NBPF8: variants seen among roughly 807,000 people sequenced by gnomAD.
The protein encoded by NBPF8 is NBPF family member NBPF8.
intron 11 of NBPF8, among the ~76,000 whole-genome samples, chr1:120,450,350 G>A (rs758677674): frequency 2.0e-5 from 3 of 151,946 alleles, no homozygotes; most frequent in Admixed American, 1.3e-4. Context: ...GATCCCACCC[G>A]AGAATGTGTG....
intron 17 of NBPF8, among the ~76,000 whole-genome samples, chr1:120,460,067 T>G (rs1319605079): frequency 2.0e-5 from 3 of 152,176 alleles, no homozygotes; most frequent in Non-Finnish European, 4.4e-5. Context: ...GTTCCTGGTA[T>G]GTTTTCTAGA....
chr1:120,454,589 A>G (rs1317740998), intron 15 of NBPF8, among the ~76,000 whole-genome samples: 1 of 151,912 alleles, frequency 6.6e-6, no homozygotes, highest in African/African-American at 2.4e-5. Context: ...TGAAATCAGT[A>G]CGGAAACTTT....
chr1:120,449,710 C>A (rs1423818799), intron 11 of NBPF8, among the ~76,000 whole-genome samples: 1 of 152,100 alleles, frequency 6.6e-6, no homozygotes, highest in African/African-American at 2.4e-5. Context: ...ATCCTCTCTA[C>A]CATATAAGAT....
At chr1:120,450,037 G>A (rs1638312823) in intron 11 of NBPF8, among the ~76,000 whole-genome samples, 3 of 152,124 alleles carry the variant, frequency 2.0e-5, no homozygotes, top group Admixed American at 6.5e-5. Context: ...GACCAGCCTG[G>A]GCAACATGGA....
At chr1:120,415,369 G>T (rs1553244968), upstream of NBPF8, among the ~76,000 whole-genome samples, 1 of 151,724 alleles carries the variant, frequency 6.6e-6, no homozygotes, top group Non-Finnish European at 1.5e-5. Context: ...TTTGTTGCGA[G>T]CGACGGAGGG....
chr1:120,429,562 G>A (rs1210366855), intron 3 of NBPF8, among the ~76,000 whole-genome samples: 6 of 152,050 alleles, frequency 3.9e-5, no homozygotes, highest in African/African-American at 1.4e-4. Flanking sequence ...TCCTTGAGAG[G>A]CAGGGACATG....
intron 2 of NBPF8, among the ~76,000 whole-genome samples, chr1:120,427,114 T>A (rs1197225744): frequency 7.7e-6 from 1 of 129,374 alleles, no homozygotes; most frequent in Non-Finnish European, 1.6e-5. Flanking sequence ...GTCAAAAGTT[T>A]GTTCCTTTAG....
upstream of NBPF8, among the ~76,000 whole-genome samples, chr1:120,416,899 C>T (rs1335790636): frequency 1.4e-5 from 2 of 141,596 alleles, no homozygotes; most frequent in African/African-American, 2.7e-5. Context: ...AGTGTGATTT[C>T]ATTTTGCATT....
At chr1:120,452,031 C>A in intron 12 of NBPF8, 86 bp from the exon 11 acceptor site, 2 of 1,397,398 alleles carry the variant, frequency 1.4e-6, no homozygotes, top group South Asian at 2.3e-5. Flanking sequence ...TCCTTGAGGA[C>A]ATTGTCTCAG....
chr1:120,460,082 T>A (rs1162547111), intron 17 of NBPF8, among the ~76,000 whole-genome samples: 1 of 152,166 alleles, frequency 6.6e-6, no homozygotes, highest in Non-Finnish European at 1.5e-5. Context: ...TCTAGATAAA[T>A]GGCTGACTTT....
rs1661292993 is a variant in NBPF8, at chr1:120,452,109, C to G, written n.2075-8C>G. ...CACTCTTAAATTTTCTCTACCGTCT[C>G]ACCTTAGGCAATATAAAGTCCTGGT... On this transcript the variant is annotated splice_polypyrimidine_tract_variant and splice_region_variant and intron_variant and non_coding_transcript_variant, in intron 12 of 24. Coordinates refer to ENST00000583271, the Ensembl canonical transcript of NBPF8. 6.4e-7 allele frequency: 1 copy of G among 1,560,772 alleles called. No homozygotes were observed. Among genetic ancestry groups the G allele is most frequent in the Non-Finnish European group, 8.8e-7 (1 of 1,135,262 alleles).
rs1354136186 is a variant in NBPF8, at chr1:120,436,572, T to A, written n.220T>A. On this transcript the variant is annotated non_coding_transcript_exon_variant, in exon 1 of 25. Transcript: ENST00000583271. ...TCCAGCGAGAAGGCAGAGATGAACA[T>A]TCTAGAAATCAACGAGAAATTGCGC... 1.1e-5 allele frequency: 18 copies of A among 1,573,420 alleles called. No individual in the cohort carries two copies. In the South Asian group the frequency reaches 2.0e-4, roughly 17 times the overall value.
upstream of NBPF8, among the ~76,000 whole-genome samples, chr1:120,415,506 T>A (rs1178018665): frequency 2.0e-5 from 3 of 152,070 alleles, no homozygotes; most frequent in South Asian, 2.1e-4. Context: ...GGGAAGAAAC[T>A]CGCTGGCGGG....
At chr1:120,416,838 C>T (rs79511524), upstream of NBPF8, among the ~76,000 whole-genome samples, 28,476 of 150,686 alleles carry the variant, frequency 0.19, 3,281 homozygotes, top group Non-Finnish European at 0.26. Flanking sequence ...TTGCTGATGC[C>T]TGTCAGTTAA....
intron 11 of NBPF8, among the ~76,000 whole-genome samples, chr1:120,449,953 G>A (rs587676123): frequency 0.034 from 5,181 of 152,166 alleles, 293 homozygotes; most frequent in African/African-American, 0.12. Context: ...TAGGGGCCGT[G>A]CATGGTGGCT....
chr1:120,464,153 G>T (rs1173338571), intron 22 of NBPF8, among the ~76,000 whole-genome samples: 7 of 104,664 alleles, frequency 6.7e-5, no homozygotes, highest in Non-Finnish European at 1.8e-5. Context: ...GTGTGTGTGT[G>T]TGTGTGTGTG....
rs1660612769 is a variant in NBPF8 at position 120,422,864 on chromosome 1, G to A, written n.269+2746G>A. ...GTTTACAGTGATATCTCGTTTTAAT[G>A]TGCAATTCCCTCACAACAAATGATT... is the stretch of plus-strand genomic sequence containing the variant. On this transcript the variant is annotated intron_variant and non_coding_transcript_variant, in intron 1 of 28. Transcript: ENST00000652355. Among the ~76,000 whole-genome samples, 2 of 106,836 alleles carry A rather than the reference G, an allele frequency of 1.9e-5. 1 individual carries two copies. The highest frequency in any genetic ancestry group is 1.6e-4 in the Admixed American group (2 of 12,322). The allele number at this position is 106,836 out of a possible 152,430, so 70.1% of individuals were successfully genotyped here.
chr1:120,467,682 TTTTAA>T (rs1661775007), exon 25 of NBPF8: 2 of 150,408 alleles, frequency 1.3e-5, no homozygotes, highest in African/African-American at 4.9e-5. Context: ...TCTGCCTGAG[TTTTAA>T]TTTTTGTCCA....
chr1:120,455,982 T>C (rs1661425687), intron 16 of NBPF8, among the ~76,000 whole-genome samples: 1 of 152,068 alleles, frequency 6.6e-6, no homozygotes, highest in Admixed American at 6.5e-5. Context: ...TTTTTCTCAT[T>C]GGTTTCAAAG....
Sources: gnomAD v4.1 joint callset for allele counts (sites outside exome capture counted in the v4.1 genomes callset) on GRCh38, gnomAD v4.1.1 for gene constraint, MANE v1.5 for transcripts, NCBI Gene and HGNC (gene_info 2026-07-23, HGNC 2026-07-21) for gene names.